Variants in KCNJ6 observed in about 807,000 individuals in gnomAD.
The protein encoded by KCNJ6 is potassium inwardly rectifying channel subfamily J member 6, also known as G protein-activated inward rectifier potassium channel 2.
Under a neutral mutation model 34.2 loss-of-function variants are expected in KCNJ6, and 9 were observed. That is an observed-to-expected ratio of 0.26 (90% confidence interval 0.16 to 0.46). KCNJ6 has a LOEUF of 0.46. Ranked by LOEUF, KCNJ6 falls within the 20% of genes least tolerant of loss-of-function variation. The pLI is 1.00. For synonymous variants in KCNJ6, 196 were observed against 207.1 expected, an observed-to-expected ratio of 0.95 and a Z score of 0.46; for missense variants, 236 against 531.3, an observed-to-expected ratio of 0.44 and a Z score of 5.46.
At chr21:37,787,786 G>A (rs1018114560) in intron 2 of KCNJ6, among the ~76,000 whole-genome samples, 2 of 152,228 alleles carry the variant, frequency 1.3e-5, no homozygotes, top group African/African-American at 4.8e-5. Context: ...GAGTTAGAAA[G>A]AACTGGAAAA....
intron 3 of KCNJ6, among the ~76,000 whole-genome samples, chr21:37,632,586 A>G (rs2054338810): frequency 6.6e-6 from 1 of 152,178 alleles, no homozygotes; most frequent in South Asian, 2.1e-4. Context: ...TGTTTTTTGA[A>G]AAGTCTAGTA....
chr21:37,634,422 G>C (rs946663647), intron 3 of KCNJ6, among the ~76,000 whole-genome samples: 2 of 152,158 alleles, frequency 1.3e-5, no homozygotes, highest in African/African-American at 4.8e-5. Context: ...TTCCTGTACA[G>C]CCTGCAGAAT....
intron 3 of KCNJ6, among the ~76,000 whole-genome samples, chr21:37,637,844 G>A (rs928226711): frequency 6.6e-6 from 1 of 152,218 alleles, no homozygotes; most frequent in African/African-American, 2.4e-5. Flanking sequence ...AGAAGAGGCC[G>A]TGTGAGGACA....
intron 2 of KCNJ6, among the ~76,000 whole-genome samples, chr21:37,778,696 C>CGTGTGT (rs61218477): frequency 0.02 from 2,905 of 146,230 alleles, 35 homozygotes; most frequent in Admixed American, 0.025. Flanking sequence ...GTGCTGTGTG[C>CGTGTGT]GTGTGTGTGT....
At chr21:37,820,346 T>C (rs1471194096) in intron 2 of KCNJ6, among the ~76,000 whole-genome samples, 1 of 152,208 alleles carries the variant, frequency 6.6e-6, no homozygotes, top group African/African-American at 2.4e-5. Flanking sequence ...TTGTTTCGGA[T>C]TGATCTGTTG....
intron 3 of KCNJ6, among the ~76,000 whole-genome samples, chr21:37,649,732 T>G (rs911442517): frequency 6.6e-6 from 1 of 152,180 alleles, no homozygotes; most frequent in African/African-American, 2.4e-5. Flanking sequence ...AAGCTGAGCT[T>G]CTTCACTTAT....
intron 3 of KCNJ6, among the ~76,000 whole-genome samples, chr21:37,637,312 A>G (rs1303418054): frequency 6.6e-6 from 1 of 152,168 alleles, no homozygotes; most frequent in Non-Finnish European, 1.5e-5. Context: ...CCTTCAATGA[A>G]CAGTTGTGTT....
Position 37,633,516 on chromosome 21 carries a change from A to T in KCNJ6, c.947-8032T>A, listed in dbSNP as rs563125350. 1.7e-3 allele frequency among the ~76,000 whole-genome samples: 261 copies of T among 152,322 alleles called. 1 individual carries two copies. The highest frequency in any genetic ancestry group is 5.9e-3 in the African/African-American group (245 of 41,582). On this transcript the variant is annotated intron_variant, in intron 3 of 3. Coordinates refer to ENST00000609713, the MANE Select transcript of KCNJ6 (RefSeq NM_002240.5). ...AATACAATAATTTGATTCAAAAATA[A>T]ATGAAACTTTCATTATTTGCAGATA...
chr21:37,846,817 G>A (rs1366012014), intron 1 of KCNJ6, among the ~76,000 whole-genome samples: 1 of 152,150 alleles, frequency 6.6e-6, no homozygotes, highest in African/African-American at 2.4e-5. Flanking sequence ...TAAACCAGGA[G>A]CCCTCAAATC....
At chr21:37,888,705 G>A (rs185710484) in intron 1 of KCNJ6, among the ~76,000 whole-genome samples, 113 of 152,256 alleles carry the variant, frequency 7.4e-4, no homozygotes, top group Non-Finnish European at 1.2e-3. Flanking sequence ...GGGTGAGTTT[G>A]GGGATCACAA....
At position 37,623,698 on chromosome 21, in the gene KCNJ6, T is replaced by G. The variant is rs1224003060; in HGVS notation, c.*1461A>C. On this transcript the variant is annotated 3_prime_UTR_variant, in exon 4 of 4. Transcript: ENST00000609713. ...CTGGAATTTTTTTATTTGTTTTCTT[T>G]TGATTGACAGACACTGGATTTGATT... The G allele has an allele frequency of 6.6e-6, 1 of 152,216 alleles. No homozygotes were observed. Among genetic ancestry groups the G allele is most frequent in the Non-Finnish European group, 1.5e-5 (1 of 68,034 alleles). The allele number at this position is 152,216 out of a possible 1,614,324, so 9.4% of individuals were successfully genotyped here. A position where few individuals can be genotyped will look rare whatever the true frequency, so the allele number is the denominator to read the frequency against.
intron 1 of KCNJ6, among the ~76,000 whole-genome samples, chr21:37,873,633 C>T (rs1373950970): frequency 6.6e-6 from 1 of 152,116 alleles, no homozygotes; most frequent in African/African-American, 2.4e-5. Flanking sequence ...TTTTTTAGAA[C>T]CCACTATGTA....
intron 3 of KCNJ6, among the ~76,000 whole-genome samples, chr21:37,698,082 C>T (rs1025496561): frequency 6.6e-5 from 10 of 152,198 alleles, no homozygotes; most frequent in African/African-American, 2.4e-4. Context: ...CACTCATGCT[C>T]TTTTATCATT....
rs548815315 is a variant in KCNJ6, at chr21:37,882,652, C to T, written c.-28+33232G>A. Among the ~76,000 whole-genome samples, 3 of 152,214 alleles carry T rather than the reference C, an allele frequency of 2.0e-5. No homozygotes were observed. The East Asian group carries it at 5.8e-4, about 29-fold the overall frequency. ...AAGAGGTAAGGCTTGTGAGAATGGA[C>T]AAGCTCCAACTGTGGTGGGAGGCAG... On this transcript the variant is annotated intron_variant, in intron 1 of 3. Transcript: ENST00000609713.
intron 1 of KCNJ6, among the ~76,000 whole-genome samples, chr21:37,864,123 T>TG (rs2055610071): frequency 6.6e-6 from 1 of 151,542 alleles, no homozygotes; most frequent in Non-Finnish European, 1.5e-5. Context: ...ATTTTTTTTT[T>TG]TTGTTTTAGG....
rs1024154969 is a variant in KCNJ6, at chr21:37,617,653, T to G, written c.*7506A>C. 6.6e-6 allele frequency: 1 copy of G among 152,232 alleles called. No individual in the cohort carries two copies. Among genetic ancestry groups the G allele is most frequent in the African/African-American group, 2.4e-5 (1 of 41,458 alleles). 9.4% of individuals were successfully genotyped at this position (152,232 alleles called of 1,614,324 possible). ...AGAGTTCTGCCATTGGCCCGATGAC[T>G]GAGTCTGTGCCCACGGCATCGTGAT... is the stretch of plus-strand genomic sequence containing the variant. On this transcript the variant is annotated 3_prime_UTR_variant, in exon 4 of 4. Coordinates refer to ENST00000609713, the MANE Select transcript of KCNJ6 (RefSeq NM_002240.5).
At chr21:37,723,428 T>C (rs6517431) in intron 2 of KCNJ6, among the ~76,000 whole-genome samples, 129,616 of 152,180 alleles carry the variant, frequency 0.85, 55,503 homozygotes, top group Non-Finnish European at 0.9. Flanking sequence ...AATATATTCC[T>C]AAAGGAAAAT....
At chr21:37,709,097 T>A (rs1045314178) in intron 3 of KCNJ6, among the ~76,000 whole-genome samples, 1 of 152,124 alleles carries the variant, frequency 6.6e-6, no homozygotes, top group Non-Finnish European at 1.5e-5. Flanking sequence ...CATGTCAATG[T>A]CTACGTAATT....
intron 2 of KCNJ6, among the ~76,000 whole-genome samples, chr21:37,795,398 T>C (rs898838611): frequency 1.3e-5 from 2 of 152,266 alleles, no homozygotes; most frequent in African/African-American, 4.8e-5. Flanking sequence ...CAGGCTTCCC[T>C]TTTTAAGAAA....
Sources: gnomAD v4.1 joint callset for allele counts (sites outside exome capture counted in the v4.1 genomes callset) on GRCh38, gnomAD v4.1.1 for gene constraint, MANE v1.5 for transcripts, NCBI Gene and HGNC (gene_info 2026-07-23, HGNC 2026-07-21) for gene names.